Variants in RARB observed in about 807,000 individuals in gnomAD.
RARB encodes the protein HBV-activated protein.
In RARB, 17 loss-of-function variants were observed where a neutral mutation model predicts 51.9. The ratio of observed to expected loss-of-function variants is 0.33; its 90% CI spans 0.22 to 0.49. The LOEUF (loss-of-function observed/expected upper bound fraction) is 0.49, where lower values mean the gene tolerates loss of function less well. RARB is among the 20% of genes least tolerant of loss of function. RARB has a pLI of 0.99. For missense variants in RARB, 369 were observed against 550.8 expected (o/e 0.67, Z 3.30); for synonymous variants, 215 against 195.4 (o/e 1.10, Z -0.84).
At chr3:25,475,199 T>A (rs1695886346) in intron 2 of RARB, among the ~76,000 whole-genome samples, 1 of 152,200 alleles carries the variant, frequency 6.6e-6, no homozygotes, top group Admixed American at 6.5e-5. Context: ...TGAGTCTACA[T>A]CAGGTATTCC....
At chr3:25,427,767 C>T (rs144693414), upstream of RARB, among the ~76,000 whole-genome samples, 12 of 152,274 alleles carry the variant, frequency 7.9e-5, no homozygotes, top group East Asian at 2.3e-3. Context: ...ATTCTCTGTT[C>T]TACAGTTTAG....
At chr3:25,019,733 G>T (rs1266179947) in intron 2 of RARB, among the ~76,000 whole-genome samples, 9 of 152,084 alleles carry the variant, frequency 5.9e-5, no homozygotes, top group Non-Finnish European at 1.0e-4. Context: ...GCATAACTTG[G>T]TTATTACTTT....
Position 25,597,437 on chromosome 3 carries a change from A to ATGAT in RARB, c.*822_*825dup, listed in dbSNP as rs146684489. On this transcript the variant is annotated 3_prime_UTR_variant, in exon 8 of 8. Transcript: ENST00000330688. ...AGTTAAAAAAAATTTTTTTACAGTAATGATAGCCTCCAAGGCAGAAACACT... is the reference window on the plus strand; with the variant it reads ...AGTTAAAAAAAATTTTTTTACAGTAATGATTGATAGCCTCCAAGGCAGAAACACT... 2,755 of 152,746 alleles carry ATGAT rather than the reference A, an allele frequency of 0.018. 38 individuals carry two copies. Among genetic ancestry groups the ATGAT allele is most frequent in the Middle Eastern group, 0.044 (13 of 294 alleles). 9.5% of individuals were successfully genotyped at this position (152,746 alleles called of 1,614,324 possible). A position where few individuals can be genotyped will look rare whatever the true frequency, so the allele number is the denominator to read the frequency against.
At chr3:25,151,692 C>A (rs569213153) in intron 4 of RARB, among the ~76,000 whole-genome samples, 1 of 152,172 alleles carries the variant, frequency 6.6e-6, no homozygotes, top group South Asian at 2.1e-4. Context: ...TCTATTGTAC[C>A]TTTATTGCCA....
chr3:25,027,262 G>A lies in RARB; in HGVS notation c.-379-32863G>A, dbSNP rs146721286. 4.1e-3 allele frequency among the ~76,000 whole-genome samples: 622 copies of A among 152,240 alleles called. 3 individuals are homozygous for A. Among genetic ancestry groups the A allele is most frequent in the African/African-American group, 0.014 (577 of 41,540 alleles). On this transcript the variant is annotated intron_variant, in intron 2 of 11. Coordinates refer to the RARB transcript ENST00000383772. ...GGATGGAGAGTTTGGAAGGGGGAGC[G>A]AGTTTTGATGGGGCAGCAAATTAGG...
intron 2 of RARB, among the ~76,000 whole-genome samples, chr3:24,900,016 A>C (rs769196435): frequency 6.6e-6 from 1 of 152,224 alleles, no homozygotes; most frequent in African/African-American, 2.4e-5. Flanking sequence ...TTTGGACAGC[A>C]ACCATAATAA....
intron 4 of RARB, 90 bp downstream of exon 4, chr3:25,570,008 A>C: frequency 7.1e-7 from 1 of 1,400,070 alleles, no homozygotes; most frequent in Non-Finnish European, 9.7e-7. Context: ...ACACACACAC[A>C]CACACACACA....
At chr3:24,902,537 T>C (rs188280586) in intron 2 of RARB, among the ~76,000 whole-genome samples, 1 of 152,182 alleles carries the variant, frequency 6.6e-6, no homozygotes, top group African/African-American at 2.4e-5. Context: ...TAAAAACGGG[T>C]AATTTGGTCT....
chr3:25,329,396 G>A (rs1384560287), intron 5 of RARB, among the ~76,000 whole-genome samples: 1 of 152,160 alleles, frequency 6.6e-6, no homozygotes, highest in Non-Finnish European at 1.5e-5. Context: ...AGGCAAAAAG[G>A]GTCTGGAATG....
At chr3:25,110,555 G>A (rs1699584850) in intron 3 of RARB, among the ~76,000 whole-genome samples, 2 of 152,174 alleles carry the variant, frequency 1.3e-5, no homozygotes, top group Non-Finnish European at 2.9e-5. Context: ...ATCCAACAAG[G>A]AAACGAAGTG....
intron 2 of RARB, among the ~76,000 whole-genome samples, chr3:25,057,425 T>C (rs1311076912): frequency 6.6e-6 from 1 of 152,076 alleles, no homozygotes; most frequent in Non-Finnish European, 1.5e-5. Flanking sequence ...AAAATACTTG[T>C]CCTTGAGGCT....
At chr3:25,420,991 CAAAAAAAA>C (rs1204249206) in intron 5 of RARB, among the ~76,000 whole-genome samples, 5 of 126,250 alleles carry the variant, frequency 4.0e-5, no homozygotes, top group Non-Finnish European at 6.9e-5. Flanking sequence ...CCACTTATGC[CAAAAAAAA>C]AAAAAAAAAA....
intron 2 of RARB, among the ~76,000 whole-genome samples, chr3:24,862,321 A>G (rs901055792): frequency 1.3e-5 from 2 of 152,126 alleles, no homozygotes; most frequent in African/African-American, 2.4e-5. Context: ...GAATTATATG[A>G]TTTTTCATCT....
chr3:25,547,331 C>T (rs1699657376), intron 3 of RARB, among the ~76,000 whole-genome samples: 1 of 152,134 alleles, frequency 6.6e-6, no homozygotes, highest in Admixed American at 6.5e-5. Flanking sequence ...ACATGAAAAC[C>T]CAAGGCCAGA....
At chr3:25,324,005 C>T (rs1052209079) in intron 5 of RARB, among the ~76,000 whole-genome samples, 1 of 152,060 alleles carries the variant, frequency 6.6e-6, no homozygotes, top group African/African-American at 2.4e-5. Flanking sequence ...AAAGGTGACA[C>T]TCAAGGAAGC....
intron 2 of RARB, among the ~76,000 whole-genome samples, chr3:24,906,282 T>A (rs964644331): frequency 2.0e-5 from 3 of 152,152 alleles, no homozygotes; most frequent in African/African-American, 7.2e-5. Flanking sequence ...GCTGGAATGA[T>A]GGCTGGGTTT....
At position 25,571,092 on chromosome 3, in the gene RARB, A is replaced by G. The variant is rs538247537; in HGVS notation, c.609+1174A>G. The stretch of plus-strand genomic sequence containing the variant: ...GGCGCCCATGGAATCTGGGGCCAGC[A>G]CAAACCTAGGTGGCTTCTCAGATGA... On this transcript the variant is annotated intron_variant, in intron 4 of 7. Transcript: ENST00000330688. Among the ~76,000 whole-genome samples, 6 of 152,334 alleles carry G rather than the reference A, an allele frequency of 3.9e-5. No individual in the cohort carries two copies. The South Asian group carries it at 1.0e-3, about 26-fold the overall frequency.
chr3:24,991,986 T>C (rs1331135863), intron 2 of RARB, among the ~76,000 whole-genome samples: 1 of 152,110 alleles, frequency 6.6e-6, no homozygotes, highest in Non-Finnish European at 1.5e-5. Context: ...AGGCTTTCTA[T>C]ATCATGCCAC....
At chr3:25,128,273 T>C (rs1699892674) in intron 3 of RARB, among the ~76,000 whole-genome samples, 2 of 152,148 alleles carry the variant, frequency 1.3e-5, no homozygotes, top group East Asian at 1.9e-4. Context: ...TGCAAAAGCA[T>C]CTGAACCTTC....
Sources: allele counts gnomAD v4.1 joint callset (sites outside exome capture counted in the v4.1 genomes callset), GRCh38; gene constraint gnomAD v4.1.1; transcripts MANE v1.5; gene names NCBI Gene and HGNC (gene_info 2026-07-23, HGNC 2026-07-21).